Variants in CDH10 observed in about 807,000 individuals in gnomAD.
The protein encoded by CDH10 is cadherin-10.
In CDH10, 30 loss-of-function variants were observed where a neutral mutation model predicts 73.1. The ratio of observed to expected loss-of-function variants is 0.41; its 90% CI spans 0.31 to 0.56. The LOEUF (loss-of-function observed/expected upper bound fraction) is 0.56, where lower values mean the gene tolerates loss of function less well. CDH10 is among the 20% of genes least tolerant of loss of function. The pLI, the probability that CDH10 is intolerant of heterozygous loss-of-function variation, is 0.27. For synonymous variants in CDH10, 345 were observed against 348.2 expected, an observed-to-expected ratio of 0.99 and a Z score of 0.10; for missense variants, 815 against 973.7, an observed-to-expected ratio of 0.84 and a Z score of 2.17.
At position 24,520,717 on chromosome 5, in the gene CDH10, A is replaced by T. The variant is rs192694984; in HGVS notation, c.815-9203T>A. Reference sequence around the variant, plus strand: ...AAACAAACAAACACATATACAACACAAATCACTTTTTTTTTGTTGTTTTTT... The same window carrying T: ...AAACAAACAAACACATATACAACACTAATCACTTTTTTTTTGTTGTTTTTT... On this transcript the variant is annotated intron_variant, in intron 5 of 11. Coordinates refer to ENST00000264463, the MANE Select transcript of CDH10 (RefSeq NM_006727.5). Among the ~76,000 whole-genome samples, 33 of 152,074 alleles carry T rather than the reference A, an allele frequency of 2.2e-4. No homozygotes were observed. In the East Asian group the frequency reaches 5.6e-3, roughly 26 times the overall value.
rs551420706 is a variant in CDH10 at position 24,499,840 on chromosome 5, T to C, written c.1394-1321A>G. ...TATAGATTTTTCTAGGCACTTATGC[T>C]GGCTGAGAGTATGTTTACATTTTAA... is the stretch of plus-strand genomic sequence containing the variant. On this transcript the variant is annotated intron_variant, in intron 8 of 11. Transcript: ENST00000264463. Among the ~76,000 whole-genome samples the C allele has an allele frequency of 2.1e-4, 32 of 152,344 alleles. 1 individual carries two copies. The Middle Eastern group carries it at 0.01, about 49-fold the overall frequency.
intron 1 of CDH10, among the ~76,000 whole-genome samples, chr5:24,601,983 A>T (rs558638973): frequency 5.9e-4 from 89 of 152,008 alleles, no homozygotes; most frequent in Non-Finnish European, 1.1e-3. Flanking sequence ...ATGACCACCC[A>T]CTTTAACAAA....
At chr5:24,565,469 A>G (rs1745134272) in intron 2 of CDH10, among the ~76,000 whole-genome samples, 1 of 152,178 alleles carries the variant, frequency 6.6e-6, no homozygotes, top group African/African-American at 2.4e-5. Context: ...TCTACACTAA[A>G]ATCTGTACAA....
At chr5:24,527,470 T>C (rs933996918) in intron 5 of CDH10, among the ~76,000 whole-genome samples, 6 of 151,564 alleles carry the variant, frequency 4.0e-5, no homozygotes, top group African/African-American at 7.3e-5. Context: ...CAGGGATACG[T>C]TCTGAGAAAT....
intron 5 of CDH10, among the ~76,000 whole-genome samples, chr5:24,514,699 G>C (rs1487023241): frequency 6.6e-6 from 1 of 152,036 alleles, no homozygotes; most frequent in Non-Finnish European, 1.5e-5. Context: ...GGTGTATAAA[G>C]TCTTATAAAA....
chr5:24,491,939 G>A, intron 10 of CDH10, 112 bp from the exon 11 acceptor site: 1 of 637,480 alleles, frequency 1.6e-6, no homozygotes, highest in Non-Finnish European at 2.6e-6. Context: ...ATATAAAATT[G>A]ATATACATTT....
chr5:24,558,674 T>A (rs1244687924), intron 2 of CDH10, among the ~76,000 whole-genome samples: 1 of 141,048 alleles, frequency 7.1e-6, no homozygotes, highest in Non-Finnish European at 1.5e-5. Flanking sequence ...TGAAGATATC[T>A]GCATATAAGT....
At chr5:24,520,306 T>C (rs2111810079) in intron 5 of CDH10, among the ~76,000 whole-genome samples, 1 of 152,300 alleles carries the variant, frequency 6.6e-6, no homozygotes, top group East Asian at 1.9e-4. Flanking sequence ...AAATGTGAGC[T>C]ATACTTATAT....
intron 1 of CDH10, among the ~76,000 whole-genome samples, chr5:24,614,891 C>T (rs1211814751): frequency 6.6e-6 from 1 of 152,160 alleles, no homozygotes; most frequent in Non-Finnish European, 1.5e-5. Context: ...CTCTCCTGTA[C>T]TCCTATTGGT....
intron 2 of CDH10, among the ~76,000 whole-genome samples, chr5:24,568,589 C>T (rs1197834359): frequency 6.6e-6 from 1 of 152,092 alleles, no homozygotes; most frequent in Non-Finnish European, 1.5e-5. Context: ...CAATATGATA[C>T]TTCACATAGG....
intron 1 of CDH10, among the ~76,000 whole-genome samples, chr5:24,633,427 G>A (rs1301908978): frequency 2.0e-5 from 3 of 151,780 alleles, no homozygotes; most frequent in African/African-American, 7.2e-5. Context: ...AACTTCCAAT[G>A]AACCCACTGA....
chr5:24,491,407 A>G (rs1190788713), intron 11 of CDH10, among the ~76,000 whole-genome samples, 169 bp downstream of exon 11: 3 of 152,202 alleles, frequency 2.0e-5, no homozygotes, highest in Non-Finnish European at 4.4e-5. Flanking sequence ...ATATATTCGT[A>G]TATATTCCGA....
intron 9 of CDH10, among the ~76,000 whole-genome samples, chr5:24,493,910 T>C (rs943776907): frequency 1.3e-5 from 2 of 151,936 alleles, no homozygotes; most frequent in African/African-American, 2.4e-5. Context: ...AAAAACATTA[T>C]GTCAAAAATC....
In CDH10 at chr5:24,640,481, T is replaced by C. The variant is rs985432549; in HGVS notation, c.-124+4113A>G. 3.3e-5 allele frequency among the ~76,000 whole-genome samples: 5 copies of C among 151,618 alleles called. No homozygotes were observed. The East Asian group carries it at 9.7e-4, about 29-fold the overall frequency. On this transcript the variant is annotated intron_variant, in intron 1 of 11. Transcript: ENST00000264463. ...TGAATCTTGAAATGTCATTTAACTT[T>C]AATTTATATCATCACATCATATAGA...
intron 1 of CDH10, among the ~76,000 whole-genome samples, chr5:24,625,563 T>G (rs1269930542): frequency 1.9e-5 from 1 of 53,576 alleles, no homozygotes; most frequent in African/African-American, 4.1e-5. Context: ...ATATATATAT[T>G]CATATATATA....
chr5:24,563,597 C>CAAAAAAAAA (rs70965616), intron 2 of CDH10, among the ~76,000 whole-genome samples: 22 of 88,714 alleles, frequency 2.5e-4, no homozygotes, highest in South Asian at 4.7e-4. Flanking sequence ...ACTAAAAATA[C>CAAAAAAAAA]AAAAAAAAAA....
At position 24,586,843 on chromosome 5, in the gene CDH10, C is replaced by CTTTTTTTTTTTTTTT. The variant is rs1001227038; in HGVS notation, c.231+6402_231+6416dup. Among the ~76,000 whole-genome samples, 28 of 102,756 alleles carry CTTTTTTTTTTTTTTT rather than the reference C, an allele frequency of 2.7e-4. 3 individuals carry two copies. Among genetic ancestry groups the CTTTTTTTTTTTTTTT allele is most frequent in the Non-Finnish European group, 3.1e-4 (16 of 52,244 alleles). The allele number at this position is 102,756 out of a possible 152,430, so 67.4% of individuals were successfully genotyped here. A position where few individuals can be genotyped will look rare whatever the true frequency, so the allele number is the denominator to read the frequency against. Reference sequence around the variant, plus strand: ...GTAAAACAATAAGATAGCCCATATTCTTTTTTTTTTTTTTTTTTTGAGCCG... The same window carrying CTTTTTTTTTTTTTTT: ...GTAAAACAATAAGATAGCCCATATTCTTTTTTTTTTTTTTTTTTTTTTTTTTTTTTTTTTGAGCCG... On this transcript the variant is annotated intron_variant, in intron 2 of 11. Coordinates refer to ENST00000264463, the MANE Select transcript of CDH10 (RefSeq NM_006727.5).
chr5:24,553,250 C>T (rs115574973), intron 2 of CDH10, among the ~76,000 whole-genome samples: 2,916 of 152,028 alleles, frequency 0.019, 96 homozygotes, highest in African/African-American at 0.067. Context: ...TTTGTTTGTC[C>T]ATATTCCTGA....
intron 7 of CDH10, among the ~76,000 whole-genome samples, chr5:24,506,383 T>C (rs1010531445): frequency 4.6e-5 from 7 of 152,188 alleles, no homozygotes; most frequent in Admixed American, 3.9e-4. Context: ...AGAAAATCAT[T>C]GTGTCTCTCC....
Sources: gnomAD v4.1 joint callset for allele counts (sites outside exome capture counted in the v4.1 genomes callset) on GRCh38, gnomAD v4.1.1 for gene constraint, MANE v1.5 for transcripts, NCBI Gene and HGNC (gene_info 2026-07-23, HGNC 2026-07-21) for gene names.